Variants in OTC observed in about 807,000 individuals in gnomAD.
The protein encoded by OTC is ornithine transcarbamylase.
In OTC, 3 loss-of-function variants were observed where a neutral mutation model predicts 30.3. The observed-to-expected ratio is 0.10, with a 90% CI of 0.05 to 0.26. The LOEUF is 0.26. OTC is among the 10% of genes least tolerant of loss of function. The pLI, the probability that OTC is intolerant of heterozygous loss-of-function variation, is 1.00. For missense variants in OTC, 194 were observed against 260.3 expected, an observed-to-expected ratio of 0.75 and a Z score of 1.75; for synonymous variants, 111 against 99.7, an observed-to-expected ratio of 1.11 and a Z score of -0.67.
rs774476193 is a variant in OTC, at chrX:38,372,140, T to C, written c.298+2263T>C. On this transcript the variant is annotated intron_variant, in intron 3 of 9. Transcript: ENST00000039007. ...TGTTTGAAACCAGAATATTTCTGAA[T>C]AAATGATTGGTTTCACCATTTATAA... Among the ~76,000 whole-genome samples the C allele has an allele frequency of 5.3e-5, 6 of 112,355 alleles. No homozygotes were observed. In the East Asian group the frequency reaches 1.7e-3, roughly 31 times the overall value.
chrX:38,414,475 A>G (rs1234947368), intron 9 of OTC, among the ~76,000 whole-genome samples: 2 of 111,682 alleles, frequency 1.8e-5, no homozygotes, highest in Non-Finnish European at 3.8e-5. Context: ...ACCAAGAGAC[A>G]GAATCGTGTT....
At chrX:38,416,573 C>T (rs2068572065) in intron 9 of OTC, among the ~76,000 whole-genome samples, 1 of 112,012 alleles carries the variant, frequency 8.9e-6, no homozygotes, top group Non-Finnish European at 1.9e-5. Flanking sequence ...ATGTAATTCA[C>T]AATATTTTAT....
the OTC span, among the ~76,000 whole-genome samples, chrX:38,344,025 A>G: frequency 9.0e-6 from 1 of 111,337 alleles, no homozygotes; most frequent in Non-Finnish European, 1.9e-5. Context: ...TACCATTACC[A>G]TTACCATCTG....
chrX:38,377,971 G>A (rs2068357365), intron 3 of OTC, among the ~76,000 whole-genome samples: 2 of 109,390 alleles, frequency 1.8e-5, no homozygotes, highest in African/African-American at 3.3e-5. Flanking sequence ...CGAGTAGCTG[G>A]GATTACAGGC....
chrX:38,414,435 A>G (rs1430560684), intron 9 of OTC, among the ~76,000 whole-genome samples: 1 of 111,520 alleles, frequency 9.0e-6, no homozygotes. Context: ...TGAGTTACCC[A>G]CTATTATTAG....
In OTC at chrX:38,359,296, G is replaced by A. The variant is rs189621443; in HGVS notation, c.77+6523G>A. ...GCAAATACTATACCAGAGTGGTGGG[G>A]TTCTAGGGGATTTCAGCTTTAGCAA... On this transcript the variant is annotated intron_variant, in intron 1 of 9. Coordinates refer to ENST00000039007, the MANE Select transcript of OTC (RefSeq NM_000531.6). Among the ~76,000 whole-genome samples the A allele has an allele frequency of 2.7e-5, 3 of 111,736 alleles. No homozygotes were observed. The Admixed American group carries it at 2.8e-4, about 11-fold the overall frequency.
chrX:38,338,698 G>A, the OTC span, among the ~76,000 whole-genome samples: 693 of 112,108 alleles, frequency 6.2e-3, 6 homozygotes, highest in Middle Eastern at 0.027. Flanking sequence ...AAACCATCAG[G>A]GAATGCATAG....
intron 1 of OTC, among the ~76,000 whole-genome samples, chrX:38,357,009 T>C (rs547341831): frequency 1.2e-4 from 13 of 111,579 alleles, no homozygotes; most frequent in African/African-American, 4.2e-4. Flanking sequence ...ATATGCCTTT[T>C]TGAGAAGGAA....
At chrX:38,345,727 GAC>G in the OTC span, among the ~76,000 whole-genome samples, 4 of 109,654 alleles carry the variant, frequency 3.6e-5, no homozygotes, top group African/African-American at 1.3e-4. Flanking sequence ...CCTTAGTAGA[GAC>G]AGAGTTTCAC....
At chrX:38,399,067 T>C (rs1046719906) in intron 4 of OTC, among the ~76,000 whole-genome samples, 1 of 112,082 alleles carries the variant, frequency 8.9e-6, no homozygotes, top group Admixed American at 9.5e-5. Context: ...TCAGAAGCTT[T>C]GTCTAGTCTT....
At chrX:38,345,826 C>G in the OTC span, among the ~76,000 whole-genome samples, 1 of 111,146 alleles carries the variant, frequency 9.0e-6, no homozygotes, top group East Asian at 2.8e-4. Context: ...CAGGCATGAG[C>G]CACCGTGCCC....
At chrX:38,409,104 G>T in intron 8 of OTC, 79 bp downstream of exon 8, 1 of 1,022,240 alleles carries the variant, frequency 9.8e-7, no homozygotes, top group Non-Finnish European at 1.4e-6. Flanking sequence ...ATTCACTTTA[G>T]GGGGAGCAGA....
At chrX:38,373,125 G>T (rs1277857806) in intron 3 of OTC, among the ~76,000 whole-genome samples, 1 of 112,202 alleles carries the variant, frequency 8.9e-6, no homozygotes, top group Non-Finnish European at 1.9e-5. Context: ...GCAAACCATT[G>T]TAACTAACAC....
the OTC span, among the ~76,000 whole-genome samples, chrX:38,330,290 A>G: frequency 1.8e-5 from 2 of 111,780 alleles, no homozygotes; most frequent in Non-Finnish European, 3.8e-5. Context: ...AGGGAATGCA[A>G]CTCTACTGAC....
At chrX:38,365,681 C>T (rs2068292175) in intron 1 of OTC, among the ~76,000 whole-genome samples, 1 of 112,181 alleles carries the variant, frequency 8.9e-6, no homozygotes, top group African/African-American at 3.2e-5. Context: ...TCCACTAGGG[C>T]CCACAGTAAA....
the OTC span, among the ~76,000 whole-genome samples, chrX:38,340,468 TTTTTG>T: frequency 3.2e-5 from 3 of 92,403 alleles, no homozygotes; most frequent in Non-Finnish European, 6.2e-5. Flanking sequence ...TGTTTTTTTT[TTTTTG>T]TTTTTTTTTT....
At chrX:38,415,688 A>G (rs1409608077) in intron 9 of OTC, among the ~76,000 whole-genome samples, 1 of 110,428 alleles carries the variant, frequency 9.1e-6, no homozygotes, top group Non-Finnish European at 1.9e-5. Context: ...CTCTGTCTCT[A>G]CTAAAAATAC....
chrX:38,399,021 T>C (rs1461188339), intron 4 of OTC, among the ~76,000 whole-genome samples: 1 of 112,001 alleles, frequency 8.9e-6, no homozygotes, highest in Non-Finnish European at 1.9e-5. Context: ...CCAAGGATAT[T>C]ATAGACAGAG....
chrX:38,367,350 A>G lies in OTC; in HGVS notation c.137A>G (p.Lys46Arg), dbSNP rs1800321. 264,991 of 1,200,554 alleles carry G rather than the reference A, an allele frequency of 0.22. 22,608 individuals are homozygous for G. The highest frequency in any genetic ancestry group is 0.38 in the African/African-American group (21,543 of 56,509). Residue 46 changes from lysine (K) to arginine (R), a missense_variant, in exon 2 of 10, where the codon AAA becomes AGA. By Grantham distance (26) the Lys-to-Arg change is conservative. Transcript: ENST00000039007. ...AAGGGCCGTGACCTTCTCACTCTAA[A>G]AAACTTTACCGGAGAAGAAATTAAA... ...QLKGRDLLTL[K>R]NFTGEEIKYM...
Sources: allele counts gnomAD v4.1 joint callset (sites outside exome capture counted in the v4.1 genomes callset), GRCh38; gene constraint gnomAD v4.1.1; transcripts MANE v1.5; gene names NCBI Gene and HGNC (gene_info 2026-07-23, HGNC 2026-07-21).